HDAC9: variants seen among roughly 807,000 people sequenced by gnomAD.
The protein encoded by HDAC9 is MEF-2 interacting transcription repressor (MITR) protein.
HDAC9 carries 41 observed loss-of-function variants against 139.4 expected under a neutral mutation model. The ratio of observed to expected loss-of-function variants is 0.29; its 90% CI spans 0.23 to 0.38. HDAC9 has a LOEUF of 0.38. HDAC9 is among the 10% of genes least tolerant of loss of function. The pLI, the probability that HDAC9 is intolerant of heterozygous loss-of-function variation, is 1.00. For missense variants in HDAC9, 1,147 were observed against 1,297.0 expected (o/e 0.88, Z 1.78); for synonymous variants, 517 against 476.2 (o/e 1.09, Z -1.12).
intron 2 of HDAC9, among the ~76,000 whole-genome samples, chr7:18,245,277 C>A (rs1028094655): frequency 6.6e-6 from 1 of 152,170 alleles, no homozygotes; most frequent in Non-Finnish European, 1.5e-5. Flanking sequence ...CTTGTGGTAT[C>A]GTCACATCAG....
intron 1 of HDAC9, among the ~76,000 whole-genome samples, chr7:18,135,065 G>C (rs1785291483): frequency 6.6e-6 from 1 of 152,058 alleles, no homozygotes; most frequent in Non-Finnish European, 1.5e-5. Flanking sequence ...GATATAATGA[G>C]TTCATCATAT....
intron 1 of HDAC9, among the ~76,000 whole-genome samples, chr7:18,477,444 G>A (rs1004653908): frequency 3.9e-5 from 6 of 152,074 alleles, no homozygotes; most frequent in Admixed American, 3.9e-4. Context: ...ACACACAGGT[G>A]TATTTATTTC....
intron 2 of HDAC9, chr7:18,162,382 A>G (rs1787689860): frequency 6.6e-7 from 1 of 1,519,388 alleles, no homozygotes; most frequent in Admixed American, 2.0e-5. Context: ...CTGTTAATAG[A>G]CTTCATGTGA....
At chr7:18,858,569 C>A (rs1797863134) in intron 21 of HDAC9, among the ~76,000 whole-genome samples, 1 of 152,154 alleles carries the variant, frequency 6.6e-6, no homozygotes, top group Non-Finnish European at 1.5e-5. Flanking sequence ...TGGGTGGGGA[C>A]ACCAAAGTAA....
At chr7:18,618,740 ATAT>A in intron 6 of HDAC9, among the ~76,000 whole-genome samples, 1 of 136,860 alleles carries the variant, frequency 7.3e-6, no homozygotes, top group African/African-American at 3.0e-5. Flanking sequence ...ATATATATAT[ATAT>A]ATATATATAT....
rs190635054 is a variant in HDAC9, at chr7:18,345,358, T to C, written c.-42+54843T>C. Reference sequence around the variant, plus strand: ...TTTCTCCCTCCTTTGTGCTTCTAAATTGTTAATCCATGCAGATCATACTAA... The same window carrying C: ...TTTCTCCCTCCTTTGTGCTTCTAAACTGTTAATCCATGCAGATCATACTAA... On this transcript the variant is annotated intron_variant, in intron 1 of 3. Coordinates refer to the HDAC9 transcript ENST00000413509. Among the ~76,000 whole-genome samples the C allele has an allele frequency of 2.2e-3, 330 of 152,158 alleles. 1 individual carries two copies. Among genetic ancestry groups the C allele is most frequent in the African/African-American group, 7.7e-3 (318 of 41,562 alleles).
chr7:18,784,076 T>C (rs1374418409), intron 16 of HDAC9, among the ~76,000 whole-genome samples: 1 of 151,964 alleles, frequency 6.6e-6, no homozygotes, highest in Non-Finnish European at 1.5e-5. Context: ...GCTACTTCTT[T>C]AGCCCTAATC....
chr7:18,383,570 G>A (rs1302537424), intron 1 of HDAC9, among the ~76,000 whole-genome samples: 2 of 152,076 alleles, frequency 1.3e-5, no homozygotes, highest in African/African-American at 2.4e-5. Context: ...ATAAATTCCA[G>A]ATGGATCACA....
intron 1 of HDAC9, among the ~76,000 whole-genome samples, chr7:18,322,717 A>G (rs568145947): frequency 2.6e-5 from 4 of 152,300 alleles, no homozygotes; most frequent in South Asian, 2.1e-4. Context: ...ACAGTCATGG[A>G]TAATAGTAAG....
Position 18,434,918 on chromosome 7 carries a change from C to G in HDAC9, c.-41-61344C>G, listed in dbSNP as rs114525751. On this transcript the variant is annotated intron_variant, in intron 1 of 3. Coordinates refer to the HDAC9 transcript ENST00000413509. ...TATTCCCAAAGGAATATAAATATTT[C>G]CACCATAAAGACACATGAACTTGTA... Among the ~76,000 whole-genome samples, 949 of 151,930 alleles carry G rather than the reference C, an allele frequency of 6.2e-3. 11 individuals carry two copies. Among genetic ancestry groups the G allele is most frequent in the African/African-American group, 0.022 (901 of 41,400 alleles).
intron 2 of HDAC9, among the ~76,000 whole-genome samples, chr7:18,234,908 AG>A (rs1793714312): frequency 6.6e-6 from 1 of 152,214 alleles, no homozygotes; most frequent in Non-Finnish European, 1.5e-5. Flanking sequence ...CAGGTGGTAG[AG>A]GACTTTGAAA....
chr7:18,126,702 A>T (rs1195004137), intron 1 of HDAC9, among the ~76,000 whole-genome samples: 4 of 152,288 alleles, frequency 2.6e-5, no homozygotes, highest in Non-Finnish European at 2.9e-5. Context: ...TTGGCCACAG[A>T]AAGTCCAATC....
intron 2 of HDAC9, among the ~76,000 whole-genome samples, chr7:18,264,290 A>T (rs1427402239): frequency 6.6e-6 from 1 of 152,212 alleles, no homozygotes; most frequent in East Asian, 1.9e-4. Context: ...AGTTTCAGGA[A>T]AATTTAAAGG....
In HDAC9 at chr7:18,676,656, AATT is replaced by A. The variant is rs559781689; in HGVS notation, c.1731+10184_1731+10186del. Among the ~76,000 whole-genome samples the A allele has an allele frequency of 2.9e-3, 440 of 152,060 alleles. 1 individual carries two copies. Among genetic ancestry groups the A allele is most frequent in the African/African-American group, 0.01 (423 of 41,534 alleles). On this transcript the variant is annotated intron_variant, in intron 12 of 25. Transcript: ENST00000686413. Reference sequence around the variant, plus strand: ...ATTATAAATTATTTGACTTTTGCTTAATTATTTCAATTGTCTGACAAACTCATA... The same window carrying A: ...ATTATAAATTATTTGACTTTTGCTTAATTTCAATTGTCTGACAAACTCATA...
At chr7:18,914,136 T>G (rs535057621) in intron 22 of HDAC9, among the ~76,000 whole-genome samples, 1 of 151,882 alleles carries the variant, frequency 6.6e-6, no homozygotes, top group South Asian at 2.1e-4. Flanking sequence ...TCACACCATG[T>G]GAGGACGTGG....
rs1158332131 is a variant in HDAC9 at position 18,666,221 on chromosome 7, G to A, written c.1476G>A (p.Ser492=). ...TGAACACTCTCTTCTAGCTGCTTTC[G>A]AAATCTATTGAACAACTGAAGCAAC... ...QQQIHMNKLL[S]KSIEQLKQPG... The change falls in exon 12 of 26, where the codon TCG becomes TCA. Residue 492 remains serine (S), a synonymous_variant. Coordinates refer to ENST00000686413, the MANE Select transcript of HDAC9 (RefSeq NM_178425.4). 11 of 1,609,620 alleles carry A rather than the reference G, an allele frequency of 6.8e-6. No homozygotes were observed. The East Asian group carries it at 8.9e-5, about 13-fold the overall frequency.
At chr7:18,807,240 T>C (rs1585071727) in intron 17 of HDAC9, among the ~76,000 whole-genome samples, 2 of 152,180 alleles carry the variant, frequency 1.3e-5, no homozygotes, top group Admixed American at 6.5e-5. Flanking sequence ...TGTTGGCATA[T>C]AGTTATTCAT....
At chr7:18,604,891 A>G (rs1835027474) in intron 6 of HDAC9, among the ~76,000 whole-genome samples, 1 of 152,080 alleles carries the variant, frequency 6.6e-6, no homozygotes, top group Non-Finnish European at 1.5e-5. Context: ...AATTTGTGTC[A>G]TAACTGAGTC....
At chr7:18,464,282 T>C (rs1389783911) in intron 1 of HDAC9, among the ~76,000 whole-genome samples, 1 of 152,002 alleles carries the variant, frequency 6.6e-6, no homozygotes. Flanking sequence ...TCTTCTAAAA[T>C]TGTGGTATTA....
Sources: allele counts gnomAD v4.1 joint callset (sites outside exome capture counted in the v4.1 genomes callset), GRCh38; gene constraint gnomAD v4.1.1; transcripts MANE v1.5; gene names NCBI Gene and HGNC (gene_info 2026-07-23, HGNC 2026-07-21).